DHX9: variants seen among roughly 807,000 people sequenced by gnomAD.
DHX9 encodes ATP-dependent RNA helicase A.
Under a neutral mutation model 148.7 loss-of-function variants are expected in DHX9, and 27 were observed. The ratio of observed to expected loss-of-function variants is 0.18; its 90% CI spans 0.13 to 0.25. The LOEUF is 0.25. Ranked by LOEUF, DHX9 falls within the 10% of genes least tolerant of loss-of-function variation. The pLI is 1.00. For synonymous variants in DHX9, 529 were observed against 516.6 expected, an observed-to-expected ratio of 1.02 and a Z score of -0.33; for missense variants, 796 against 1,559.6, an observed-to-expected ratio of 0.51 and a Z score of 8.25.
intron 14 of DHX9, among the ~76,000 whole-genome samples, chr1:182,871,075 A>G (rs1358910564): frequency 6.6e-6 from 1 of 152,214 alleles, no homozygotes; most frequent in Non-Finnish European, 1.5e-5. Flanking sequence ...ATTATTCTAT[A>G]TTAAAATTAA....
intron 14 of DHX9, among the ~76,000 whole-genome samples, chr1:182,867,321 T>TG (rs1648339379): frequency 6.6e-6 from 1 of 152,234 alleles, no homozygotes; most frequent in African/African-American, 2.4e-5. Flanking sequence ...ATTGAACTAA[T>TG]GGTTTATGAC....
intron 15 of DHX9, among the ~76,000 whole-genome samples, chr1:182,873,420 A>G (rs1648629237): frequency 6.6e-6 from 1 of 152,236 alleles, no homozygotes; most frequent in Non-Finnish European, 1.5e-5. Context: ...CCAGCATGCT[A>G]AGCCAGTATA....
At chr1:182,844,893 C>T (rs747873654) in intron 3 of DHX9, among the ~76,000 whole-genome samples, 2 of 152,120 alleles carry the variant, frequency 1.3e-5, no homozygotes, top group Non-Finnish European at 2.9e-5. Context: ...GAACTCCTGA[C>T]CTCAAGTGAT....
chr1:182,864,578 C>G (rs1381030242), intron 12 of DHX9, among the ~76,000 whole-genome samples: 1 of 152,120 alleles, frequency 6.6e-6, no homozygotes, highest in Non-Finnish European at 1.5e-5. Flanking sequence ...GGATGAAAAA[C>G]ACTTGTATTT....
chr1:182,881,509 A>G lies in DHX9; in HGVS notation c.2787-11A>G. The G allele has an allele frequency of 6.2e-7, 1 of 1,608,490 alleles. No individual in the cohort carries two copies. Among genetic ancestry groups the G allele is most frequent in the Non-Finnish European group, 8.5e-7 (1 of 1,178,286 alleles). On this transcript the variant is annotated splice_polypyrimidine_tract_variant and intron_variant, in intron 23 of 27. Coordinates refer to ENST00000367549, the MANE Select transcript of DHX9 (RefSeq NM_001357.5). ...TCTTAGAGAATGATTTCTCATGCCA[A>G]TTTATTTTAGAATGGGTGGAGAAGA...
intron 3 of DHX9, 41 bp from the exon 4 acceptor site, chr1:182,852,192 G>A: frequency 7.1e-7 from 1 of 1,402,344 alleles, no homozygotes. Flanking sequence ...TCCCCGTGAA[G>A]GCAAAAGCAC....
chr1:182,851,389 G>A (rs1475914208), intron 3 of DHX9, among the ~76,000 whole-genome samples: 1 of 152,126 alleles, frequency 6.6e-6, no homozygotes, highest in Admixed American at 6.5e-5. Flanking sequence ...GCAAAACTCT[G>A]GAGTGGTCAG....
rs747855303 is a variant in DHX9, at chr1:182,883,341, A to G, written c.3117A>G (p.Pro1039=). 3 of 1,613,960 alleles carry G rather than the reference A, an allele frequency of 1.9e-6. No individual in the cohort carries two copies. Among genetic ancestry groups the G allele is most frequent in the Non-Finnish European group, 2.5e-6 (3 of 1,179,946 alleles). The change falls in exon 25 of 28, where the codon CCA becomes CCG. Residue 1039 remains proline (P), a synonymous_variant. Coordinates refer to ENST00000367549, the MANE Select transcript of DHX9 (RefSeq NM_001357.5). ...CPFSSQDMKY[P]SPFFVFGEKI... is the part of the protein sequence containing the mutation. ...TTAGTAGCCAAGACATGAAGTACCC[A>G]TCTCCCTTCTTTGTATTTGGTGAAA...
In DHX9 at chr1:182,879,414, C is replaced by G. The variant is rs1246624793; in HGVS notation, c.2512+4C>G. 2 of 1,453,046 alleles carry G rather than the reference C, an allele frequency of 1.4e-6. No individual in the cohort carries two copies. Among genetic ancestry groups the G allele is most frequent in the South Asian group, 1.6e-5 (1 of 63,654 alleles). 90.0% of individuals were successfully genotyped at this position (1,453,046 alleles called of 1,614,324 possible). On this transcript the variant is annotated splice_donor_region_variant and intron_variant, in intron 21 of 27. Coordinates refer to ENST00000367549, the MANE Select transcript of DHX9 (RefSeq NM_001357.5). ...GAAGCAGAACACACTCTTAGAGGTA[C>G]TTACAAATACAAACCTACTTGACGC...
chr1:182,872,249 A>G, intron 14 of DHX9, 88 bp from the exon 15 acceptor site: 1 of 1,057,742 alleles, frequency 9.5e-7, no homozygotes, highest in East Asian at 2.4e-5. Flanking sequence ...AATTTAATTG[A>G]TGTCTTATGG....
At chr1:182,843,563 A>G (rs972380269) in intron 3 of DHX9, 129 bp downstream of exon 3, 5 of 1,022,512 alleles carry the variant, frequency 4.9e-6, no homozygotes, top group Non-Finnish European at 6.7e-6. Context: ...GAAATTTGGC[A>G]TCTTGTTTTG....
chr1:182,859,412 A>G (rs1668314695), intron 11 of DHX9, among the ~76,000 whole-genome samples: 1 of 152,202 alleles, frequency 6.6e-6, no homozygotes, highest in African/African-American at 2.4e-5. Context: ...TTAAAATGTT[A>G]AAAAGAATGC....
At chr1:182,855,388 G>A (rs543530891) in intron 6 of DHX9, among the ~76,000 whole-genome samples, 1 of 152,310 alleles carries the variant, frequency 6.6e-6, no homozygotes, top group African/African-American at 2.4e-5. Context: ...AAAAGACAAT[G>A]TGGGAGGCAC....
At chr1:182,878,874 T>C (rs1368029716) in intron 20 of DHX9, among the ~76,000 whole-genome samples, 1 of 152,114 alleles carries the variant, frequency 6.6e-6, no homozygotes. Context: ...AGGTGGGAGG[T>C]TGTAGAGAAA....
intron 3 of DHX9, among the ~76,000 whole-genome samples, chr1:182,850,749 C>G (rs1255347511): frequency 6.6e-6 from 1 of 152,076 alleles, no homozygotes; most frequent in Non-Finnish European, 1.5e-5. Flanking sequence ...ATTGTGTATA[C>G]TATTTTATAA....
chr1:182,843,036 A>G (rs1667959790), intron 2 of DHX9, among the ~76,000 whole-genome samples: 1 of 152,200 alleles, frequency 6.6e-6, no homozygotes, highest in Non-Finnish European at 1.5e-5. Context: ...GTTCATGGAT[A>G]TTACAGAATC....
intron 7 of DHX9, 133 bp from the exon 8 acceptor site, chr1:182,857,971 A>G: frequency 1.2e-6 from 1 of 825,684 alleles, no homozygotes; most frequent in South Asian, 2.1e-5. Context: ...ATAGAATAAA[A>G]AGGAACTAGA....
At chr1:182,843,249 G>A (rs758594228) in intron 2 of DHX9, 45 bp from the exon 3 acceptor site, 1 of 1,463,848 alleles carries the variant, frequency 6.8e-7, no homozygotes, top group Non-Finnish European at 9.0e-7. Flanking sequence ...TAAAATCTCA[G>A]AATTACCCAG....
intron 20 of DHX9, among the ~76,000 whole-genome samples, 163 bp downstream of exon 20, chr1:182,878,336 T>G (rs1239352676): frequency 1.3e-5 from 2 of 152,220 alleles, no homozygotes; most frequent in Non-Finnish European, 2.9e-5. Context: ...CACAAATCAT[T>G]TAGAGAATAA....
Sources: allele counts gnomAD v4.1 joint callset (sites outside exome capture counted in the v4.1 genomes callset), GRCh38; gene constraint gnomAD v4.1.1; transcripts MANE v1.5; gene names NCBI Gene and HGNC (gene_info 2026-07-23, HGNC 2026-07-21).